Variants in ANKS1B observed in about 807,000 individuals in gnomAD.
ANKS1B encodes the protein ankyrin repeat and sterile alpha motif domain-containing protein 1B.
A neutral mutation model predicts 148.3 loss-of-function variants in ANKS1B; 36 were observed. That is an observed-to-expected ratio of 0.24 (90% CI 0.19 to 0.32). The LOEUF is 0.32. ANKS1B is among the 10% of genes least tolerant of loss of function. The pLI, the probability that ANKS1B is intolerant of heterozygous loss-of-function variation, is 1.00. For synonymous variants in ANKS1B, 542 were observed against 560.8 expected (o/e 0.97, Z 0.47); for missense variants, 1,157 against 1,542.6 (o/e 0.75, Z 4.19).
At chr12:99,678,424 T>C (rs1599493150) in intron 8 of ANKS1B, among the ~76,000 whole-genome samples, 2 of 152,164 alleles carry the variant, frequency 1.3e-5, no homozygotes, top group Non-Finnish European at 2.9e-5. Context: ...GATATAATTC[T>C]GGCCTAAAAC....
At chr12:99,079,623 T>C (rs955377110) in intron 16 of ANKS1B, 4 of 152,142 alleles carry the variant, frequency 2.6e-5, no homozygotes, top group African/African-American at 9.7e-5. Flanking sequence ...CCGAGGAGAA[T>C]GAGTAGGCAG....
intron 17 of ANKS1B, among the ~76,000 whole-genome samples, chr12:98,891,753 CT>C (rs10717719): frequency 0.12 from 18,061 of 152,062 alleles, 1,160 homozygotes; most frequent in Middle Eastern, 0.15. Context: ...AATATGCATA[CT>C]TTTTTTCAGT....
intron 1 of ANKS1B, among the ~76,000 whole-genome samples, chr12:99,860,239 G>A (rs1166722752): frequency 1.3e-5 from 2 of 152,176 alleles, no homozygotes; most frequent in Non-Finnish European, 2.9e-5. Context: ...GTCTGGAGAA[G>A]GCTTTACAGC....
intron 17 of ANKS1B, among the ~76,000 whole-genome samples, chr12:99,043,294 T>C (rs913692319): frequency 6.6e-6 from 1 of 152,232 alleles, no homozygotes; most frequent in Non-Finnish European, 1.5e-5. Flanking sequence ...GTTTTCCCCA[T>C]TTTGTTAAAT....
intron 1 of ANKS1B, among the ~76,000 whole-genome samples, chr12:99,861,935 T>C (rs1462097224): frequency 6.7e-6 from 1 of 150,148 alleles, no homozygotes; most frequent in Non-Finnish European, 1.5e-5. Context: ...GGGAATTTTA[T>C]TGCATCCCTT....
At chr12:99,141,770 C>T (rs1241279248) in intron 15 of ANKS1B, among the ~76,000 whole-genome samples, 1 of 152,058 alleles carries the variant, frequency 6.6e-6, no homozygotes, top group East Asian at 1.9e-4. Context: ...CATACCTTTT[C>T]ATGGCTGCAT....
chr12:98,915,362 T>TA (rs1021632466), intron 17 of ANKS1B, among the ~76,000 whole-genome samples: 1 of 57,770 alleles, frequency 1.7e-5, no homozygotes, highest in African/African-American at 2.8e-4. Flanking sequence ...TGAGACAGAA[T>TA]TTTTTTTTAG....
At chr12:99,528,582 C>T (rs2096954800) in intron 9 of ANKS1B, among the ~76,000 whole-genome samples, 1 of 151,954 alleles carries the variant, frequency 6.6e-6, no homozygotes, top group African/African-American at 2.4e-5. Flanking sequence ...AACCAAACAA[C>T]CCCATTAAAA....
intron 1 of ANKS1B, among the ~76,000 whole-genome samples, chr12:99,922,852 T>C (rs953099346): frequency 1.3e-5 from 2 of 151,972 alleles, no homozygotes; most frequent in Non-Finnish European, 2.9e-5. Context: ...TCTTACCCCT[T>C]TTAACTTCCA....
At position 98,989,934 on chromosome 12, in the gene ANKS1B, A is replaced by G. The variant is rs117085693; in HGVS notation, c.2778+63223T>C. Among the ~76,000 whole-genome samples the G allele has an allele frequency of 3.2e-3, 493 of 151,988 alleles. 21 individuals carry two copies. The East Asian group carries it at 0.074, about 23-fold the overall frequency. On this transcript the variant is annotated intron_variant, in intron 17 of 26. Coordinates refer to ENST00000683438, the MANE Select transcript of ANKS1B (RefSeq NM_001352186.2). ...GAAAGAAAGAAAGAAAGAGAAAGAA[A>G]GAGAAAGAAGGAAAAGAAGGAAAGA...
chr12:98,881,139 A>G (rs1190936650), intron 17 of ANKS1B, among the ~76,000 whole-genome samples: 1 of 152,230 alleles, frequency 6.6e-6, no homozygotes, highest in African/African-American at 2.4e-5. Flanking sequence ...GCTAATTTCC[A>G]TTTTATATTT....
chr12:99,333,582 T>C (rs373315313), intron 12 of ANKS1B, among the ~76,000 whole-genome samples: 1 of 152,044 alleles, frequency 6.6e-6, no homozygotes, highest in South Asian at 2.1e-4. Context: ...CTGTCTCAGT[T>C]CCATGTGGAA....
At chr12:99,735,417 T>A (rs1175369760) in intron 8 of ANKS1B, among the ~76,000 whole-genome samples, 3 of 151,810 alleles carry the variant, frequency 2.0e-5, no homozygotes, top group African/African-American at 7.3e-5. Flanking sequence ...AATCAGAAAT[T>A]AAGAAATGGA....
chr12:99,699,701 G>C (rs991510078), intron 8 of ANKS1B, among the ~76,000 whole-genome samples: 9 of 152,164 alleles, frequency 5.9e-5, no homozygotes, highest in African/African-American at 1.9e-4. Flanking sequence ...CTTCAGGATA[G>C]AGTGTATATT....
intron 12 of ANKS1B, among the ~76,000 whole-genome samples, chr12:99,297,592 T>G (rs539623654): frequency 3.3e-5 from 5 of 152,186 alleles, no homozygotes; most frequent in Non-Finnish European, 5.9e-5. Context: ...CAATTTCAAT[T>G]GCTTGAAGGA....
chr12:98,770,017 CTT>C (rs1055439404), intron 25 of ANKS1B, among the ~76,000 whole-genome samples: 2 of 152,170 alleles, frequency 1.3e-5, no homozygotes, highest in African/African-American at 4.8e-5. Context: ...ACAAACCTAT[CTT>C]ATGTCTTTTA....
chr12:99,328,188 G>T (rs2086843694), intron 12 of ANKS1B, among the ~76,000 whole-genome samples: 2 of 152,134 alleles, frequency 1.3e-5, no homozygotes, highest in Middle Eastern at 6.8e-3. Context: ...AACAAGTTGA[G>T]TCCTATATTT....
At chr12:99,240,148 T>C (rs1047775329) in intron 14 of ANKS1B, among the ~76,000 whole-genome samples, 2 of 152,196 alleles carry the variant, frequency 1.3e-5, no homozygotes, top group African/African-American at 2.4e-5. Flanking sequence ...GACCCATCAG[T>C]GTGCTGTATT....
At chr12:98,987,046 G>T (rs1464450895) in intron 17 of ANKS1B, among the ~76,000 whole-genome samples, 1 of 151,328 alleles carries the variant, frequency 6.6e-6, no homozygotes, top group Non-Finnish European at 1.5e-5. Flanking sequence ...CTTGCTTTTT[G>T]GGCTGTATCA....
Sources: gnomAD v4.1 joint callset for allele counts (sites outside exome capture counted in the v4.1 genomes callset) on GRCh38, gnomAD v4.1.1 for gene constraint, MANE v1.5 for transcripts, NCBI Gene and HGNC (gene_info 2026-07-23, HGNC 2026-07-21) for gene names.